Variants in GPC5 observed in about 807,000 individuals in gnomAD.
GPC5 encodes the protein glypican-5.
A neutral mutation model predicts 53.9 loss-of-function variants in GPC5; 47 were observed. The ratio of observed to expected loss-of-function variants is 0.87; its 90% confidence interval spans 0.69 to 1.11. GPC5 has a LOEUF of 1.11. Ranked by LOEUF, GPC5 falls within the 50% of genes most tolerant of loss-of-function variation. The pLI is 0.00. For synonymous variants in GPC5, 286 were observed against 263.3 expected (o/e 1.09, Z -0.84); for missense variants, 748 against 713.1 (o/e 1.05, Z -0.56).
chr13:92,284,077 A>T (rs2042935878), intron 7 of GPC5, among the ~76,000 whole-genome samples: 1 of 152,222 alleles, frequency 6.6e-6, no homozygotes, highest in Admixed American at 6.5e-5. Context: ...TCCCACAGAA[A>T]TACAAACTAC....
At chr13:92,491,290 G>T (rs891329509) in intron 7 of GPC5, among the ~76,000 whole-genome samples, 4 of 151,956 alleles carry the variant, frequency 2.6e-5, no homozygotes, top group Non-Finnish European at 2.9e-5. Context: ...GATTTTTTTA[G>T]TCTTCAAGTC....
intron 5 of GPC5, among the ~76,000 whole-genome samples, chr13:91,846,587 C>A (rs1241247510): frequency 6.6e-6 from 1 of 151,626 alleles, no homozygotes; most frequent in East Asian, 1.9e-4. Context: ...ACTAGTATGA[C>A]TAGGCTTGTC....
At chr13:91,919,671 G>A (rs930042410) in intron 6 of GPC5, among the ~76,000 whole-genome samples, 12 of 151,824 alleles carry the variant, frequency 7.9e-5, no homozygotes, top group African/African-American at 1.9e-4. Flanking sequence ...TTAACTTCTC[G>A]GGCCAACATT....
At chr13:92,840,615 T>C (rs192844381) in intron 7 of GPC5, among the ~76,000 whole-genome samples, 321 of 152,260 alleles carry the variant, frequency 2.1e-3, no homozygotes, top group Non-Finnish European at 3.4e-3. Context: ...AGTTTTAGAA[T>C]GAATTTTTCT....
At chr13:92,139,680 A>AAAAAAAGAG (rs532196727) in intron 6 of GPC5, among the ~76,000 whole-genome samples, 1 of 140,808 alleles carries the variant, frequency 7.1e-6, no homozygotes, top group African/African-American at 2.6e-5. Context: ...AAAAAAAAAA[A>AAAAAAAGAG]AAAAAGTGTT....
intron 2 of GPC5, among the ~76,000 whole-genome samples, chr13:91,691,136 T>G (rs866269311): frequency 6.6e-6 from 1 of 152,074 alleles, no homozygotes; most frequent in Non-Finnish European, 1.5e-5. Context: ...GAAAACAGAG[T>G]GTAGTGGCTG....
chr13:91,471,108 G>T (rs968738788), intron 2 of GPC5, among the ~76,000 whole-genome samples: 1 of 152,140 alleles, frequency 6.6e-6, no homozygotes, highest in South Asian at 2.1e-4. Flanking sequence ...GCCGGTTATG[G>T]AGTGTTGTGT....
At chr13:91,455,137 T>C (rs1881451822) in intron 2 of GPC5, among the ~76,000 whole-genome samples, 1 of 151,716 alleles carries the variant, frequency 6.6e-6, no homozygotes. Flanking sequence ...TTTAATAATT[T>C]GTAACCTATT....
rs543024319 is a variant in GPC5 at position 91,403,877 on chromosome 13, A to ATGTC, written c.163+4668_163+4669insTGTC. The stretch of plus-strand genomic sequence containing the variant: ...ATCACACATATTCCCTCATGGGGTT[A>ATGTC]ATTATAACTATTGCTGTCAACTATA... On this transcript the variant is annotated intron_variant, in intron 1 of 7. Transcript: ENST00000377067. Among the ~76,000 whole-genome samples, 798 of 152,286 alleles carry ATGTC rather than the reference A, an allele frequency of 5.2e-3. 11 individuals are homozygous for ATGTC. The highest frequency in any genetic ancestry group is 0.019 in the African/African-American group (776 of 41,554).
At chr13:92,049,277 A>C (rs1594743389) in intron 6 of GPC5, among the ~76,000 whole-genome samples, 2 of 152,220 alleles carry the variant, frequency 1.3e-5, no homozygotes, top group South Asian at 4.1e-4. Flanking sequence ...TACCCAAGTC[A>C]TTTTCTGTTT....
intron 5 of GPC5, among the ~76,000 whole-genome samples, chr13:91,888,563 A>G (rs1566324538): frequency 6.6e-6 from 1 of 152,190 alleles, no homozygotes. Flanking sequence ...GACTTCTAGT[A>G]TCTTGTCTGG....
intron 1 of GPC5, among the ~76,000 whole-genome samples, chr13:91,400,305 T>A (rs1876837886): frequency 6.6e-6 from 1 of 152,182 alleles, no homozygotes; most frequent in African/African-American, 2.4e-5. Flanking sequence ...TTGATTGCTT[T>A]GCTCAATTTT....
At chr13:92,778,925 C>G (rs915826503) in intron 7 of GPC5, among the ~76,000 whole-genome samples, 1 of 151,948 alleles carries the variant, frequency 6.6e-6, no homozygotes, top group Non-Finnish European at 1.5e-5. Flanking sequence ...AGTGTTATTC[C>G]TCATAATGCT....
chr13:92,268,116 TAAAA>T (rs34998822), intron 7 of GPC5, among the ~76,000 whole-genome samples: 52,251 of 150,486 alleles, frequency 0.35, 9,639 homozygotes, highest in African/African-American at 0.48. Context: ...TTTCAGGACT[TAAAA>T]AAAAAATCGC....
intron 7 of GPC5, among the ~76,000 whole-genome samples, chr13:92,385,464 A>G (rs1207441689): frequency 1.5e-5 from 2 of 137,446 alleles, no homozygotes. Context: ...ATATATACAC[A>G]TATATACATA....
At chr13:91,586,507 T>G (rs1423252290) in intron 2 of GPC5, among the ~76,000 whole-genome samples, 1 of 2,898 alleles carries the variant, frequency 3.5e-4, no homozygotes, top group African/African-American at 3.8e-3. Context: ...AGGATATATA[T>G]ATATATATAT....
At position 92,718,312 on chromosome 13, in the gene GPC5, G is replaced by A. The variant is rs146743085; in HGVS notation, c.1562-147970G>A. ...TTTGGAAGCAACAGAAGTGTTCATC[G>A]GCAAACTAATGGATAAAGAAAATGC... On this transcript the variant is annotated intron_variant, in intron 7 of 7. Transcript: ENST00000377067. 2.0e-3 allele frequency among the ~76,000 whole-genome samples: 305 copies of A among 152,112 alleles called. 1 individual carries two copies. The highest frequency in any genetic ancestry group is 7.0e-3 in the African/African-American group (290 of 41,516).
chr13:92,451,029 C>A (rs1373918364), intron 7 of GPC5, among the ~76,000 whole-genome samples: 1 of 152,158 alleles, frequency 6.6e-6, no homozygotes, highest in Non-Finnish European at 1.5e-5. Flanking sequence ...AGAATCAAAT[C>A]TATCATTTTC....
At chr13:92,808,932 T>G (rs540807770) in intron 7 of GPC5, among the ~76,000 whole-genome samples, 34 of 152,232 alleles carry the variant, frequency 2.2e-4, no homozygotes, top group Admixed American at 6.6e-4. Context: ...CAGTGCATTC[T>G]TCTAAGGAAA....
Sources: allele counts gnomAD v4.1 joint callset (sites outside exome capture counted in the v4.1 genomes callset), GRCh38; gene constraint gnomAD v4.1.1; transcripts MANE v1.5; gene names NCBI Gene and HGNC (gene_info 2026-07-23, HGNC 2026-07-21).